The following SERPINA1 variants were observed in gnomAD, a reference collection of about 807,000 sequenced individuals.
The protein encoded by SERPINA1 is serpin family A member 1.
SERPINA1 carries 21 observed loss-of-function variants against 25.4 expected under a neutral mutation model. The observed-to-expected ratio is 0.83, with a 90% CI of 0.59 to 1.19. SERPINA1 has a LOEUF of 1.19. Among genes scored for constraint, SERPINA1 ranks in the 50% most tolerant of loss-of-function variants. The pLI, the probability that SERPINA1 is intolerant of heterozygous loss-of-function variation, is 0.00. For synonymous variants in SERPINA1, 218 were observed against 211.1 expected (o/e 1.03, Z -0.29); for missense variants, 546 against 509.0 (o/e 1.07, Z -0.70).
chr14:94,381,235 G>A (rs1896894274), intron 2 of SERPINA1, 94 bp from the exon 3 acceptor site: 14 of 1,287,444 alleles, frequency 1.1e-5, no homozygotes, highest in Non-Finnish European at 1.4e-5. Flanking sequence ...TCCCTGAGAA[G>A]CCCTGAGCCC....
Position 94,378,226 on chromosome 14 carries a change from A to G in SERPINA1, c.*223T>C, listed in dbSNP as rs1896502979. 3.3e-6 allele frequency: 2 copies of G among 598,350 alleles called. No homozygotes were observed. Among genetic ancestry groups the G allele is most frequent in the Non-Finnish European group, 5.9e-6 (2 of 337,178 alleles). The allele number at this position is 598,350 out of a possible 1,614,324, so 37.1% of individuals were successfully genotyped here. A position where few individuals can be genotyped will look rare whatever the true frequency, so the allele number is the denominator to read the frequency against. ...AGTCCCCCCTGGATTCAAGCCCAGC[A>G]TGTGCCTACCCAGCCAGATGCTCCA... is the stretch of plus-strand genomic sequence containing the variant. On this transcript the variant is annotated 3_prime_UTR_variant, in exon 5 of 5. Coordinates refer to ENST00000393087, the MANE Select transcript of SERPINA1 (RefSeq NM_000295.5).
At chr14:94,388,963 T>C (rs1434944281), upstream of SERPINA1, 2 of 152,270 alleles carry the variant, frequency 1.3e-5, no homozygotes, top group African/African-American at 4.8e-5. Context: ...AGATCTACCA[T>C]TTACTGAGTC....
intron 1 of SERPINA1, chr14:94,383,553 C>A: frequency 4.5e-6 from 2 of 447,830 alleles, no homozygotes; most frequent in Non-Finnish European, 8.1e-6. Flanking sequence ...ATTAGGTCAG[C>A]TATTCAATGT....
intron 2 of SERPINA1, among the ~76,000 whole-genome samples, chr14:94,381,481 A>T (rs1896913039): frequency 6.6e-6 from 1 of 152,230 alleles, no homozygotes; most frequent in African/African-American, 2.4e-5. Context: ...ATGTTGGAGC[A>T]TCAGGCATAT....
intron 4 of SERPINA1, 167 bp downstream of exon 4, chr14:94,379,297 G>C: frequency 9.7e-7 from 1 of 1,032,284 alleles, no homozygotes; most frequent in Non-Finnish European, 1.5e-6. Flanking sequence ...TGGCTTTGCT[G>C]TTTGACCACG....
upstream of SERPINA1, chr14:94,389,019 T>A (rs576377391): frequency 6.6e-6 from 1 of 152,324 alleles, no homozygotes; most frequent in South Asian, 2.1e-4. Context: ...CCCTGGGAGA[T>A]CAGAGTGGGT....
chr14:94,384,865 G>A (rs1489295923), intron 1 of SERPINA1, among the ~76,000 whole-genome samples: 1 of 152,202 alleles, frequency 6.6e-6, no homozygotes, highest in African/African-American at 2.4e-5. Flanking sequence ...CAAATGAAGT[G>A]CAAAGCTGGT....
Position 94,383,126 on chromosome 14 carries a change from A to G in SERPINA1, c.112T>C (p.Ser38Pro). The G allele has an allele frequency of 6.2e-7, 1 of 1,614,168 alleles. No homozygotes were observed. The highest frequency in any genetic ancestry group is 1.3e-5 in the African/African-American group (1 of 75,040). ...GTTGGGTGATCCTGATCATGGTGGG[A>G]TGTATCTGTCTTCTGGGCAGCATCT... ...QGDAAQKTDT[S>P]HHDQDHPTFN... The change falls in exon 2 of 5, where the codon TCC becomes CCC. Residue 38 changes from serine to proline, a missense_variant. Ser to Pro is a moderately conservative substitution (Grantham distance 74). Transcript: ENST00000393087.
At chr14:94,381,223 C>T (rs1488801138) in intron 2 of SERPINA1, 82 bp from the exon 3 acceptor site, 1 of 1,424,988 alleles carries the variant, frequency 7.0e-7, no homozygotes, top group African/African-American at 1.5e-5. Flanking sequence ...CCATGAGTCC[C>T]CTCCCTGAGA....
At chr14:94,385,735 C>T (rs1897245623) in intron 1 of SERPINA1, among the ~76,000 whole-genome samples, 1 of 152,152 alleles carries the variant, frequency 6.6e-6, no homozygotes, top group African/African-American at 2.4e-5. Context: ...ATTCTGGGCT[C>T]AAAGGAGGTG....
At chr14:94,379,295 C>T in intron 4 of SERPINA1, 169 bp downstream of exon 4, 1 of 994,772 alleles carries the variant, frequency 1.0e-6, no homozygotes. Context: ...CCTGGCTTTG[C>T]TGTTTGACCA....
rs939563669 is a variant in SERPINA1, at chr14:94,377,030, G to A, written c.*1419C>T. ...AAAGGCTGTCAGTGAGTAAGCTTAA[G>A]AGAACAGGAGACTTGTGTGGGAAAC... is the stretch of plus-strand genomic sequence containing the variant. On this transcript the variant is annotated 3_prime_UTR_variant, in exon 5 of 5. Transcript: ENST00000393087. The A allele has an allele frequency of 6.6e-6, 1 of 152,240 alleles. No individual in the cohort carries two copies. Among genetic ancestry groups the A allele is most frequent in the African/African-American group, 2.4e-5 (1 of 41,442 alleles). 9.4% of individuals were successfully genotyped at this position (152,240 alleles called of 1,614,324 possible).
chr14:94,379,363 T>C, intron 4 of SERPINA1, 101 bp downstream of exon 4: 1 of 1,538,368 alleles, frequency 6.5e-7, no homozygotes, highest in Non-Finnish European at 9.0e-7. Context: ...TCTTCATTTG[T>C]TTCCCTCGGC....
In SERPINA1 at chr14:94,381,140, G is replaced by T. The variant is rs754816836; in HGVS notation, c.648C>A (p.Gly216=). The T allele has an allele frequency of 1.5e-5, 24 of 1,611,476 alleles. No individual in the cohort carries two copies. The highest frequency in any genetic ancestry group is 8.8e-5 in the South Asian group (8 of 90,992). ...FALVNYIFFK[G]KWERPFEVKD... ...TGACTTCAAAGGGTCTCTCCCATTT[G>T]CCTGGAGAGAGGGGAAGGTGGGCAT... The change falls in exon 3 of 5, where the codon GGC becomes GGA. Residue 216 remains glycine, a splice_region_variant and synonymous_variant. Transcript: ENST00000393087.
At position 94,378,529 on chromosome 14, in the gene SERPINA1, G is replaced by C; in HGVS notation, c.1177C>G (p.Pro393Ala). The C allele has an allele frequency of 6.2e-7, 1 of 1,614,128 alleles. No individual in the cohort carries two copies. Among genetic ancestry groups the C allele is most frequent in the Non-Finnish European group, 8.5e-7 (1 of 1,180,022 alleles). The change falls in exon 5 of 5, where the codon CCC (proline) becomes GCC (alanine). Residue 393 changes from proline (P) to alanine (A), a missense_variant. By Grantham distance (27) the Pro-to-Ala change is conservative. Coordinates refer to ENST00000393087, the MANE Select transcript of SERPINA1 (RefSeq NM_000295.5). ...TGTTCAATCATTAAGAAGACAAAGGGTTTGTTGAACTTGACCTCGGGGGGG... is the reference window on the plus strand; with the variant it reads ...TGTTCAATCATTAAGAAGACAAAGGCTTTGTTGAACTTGACCTCGGGGGGG... ...SIPPEVKFNK[P>A]FVFLMIEQNT...
intron 1 of SERPINA1, among the ~76,000 whole-genome samples, chr14:94,386,554 A>G (rs1252071997): frequency 6.6e-6 from 1 of 152,196 alleles, no homozygotes; most frequent in Non-Finnish European, 1.5e-5. Flanking sequence ...GGAGAAAAGA[A>G]TCCTTTGGAC....
intron 4 of SERPINA1, among the ~76,000 whole-genome samples, 181 bp from the exon 5 acceptor site, chr14:94,378,821 C>T (rs988564416): frequency 6.6e-6 from 1 of 152,274 alleles, no homozygotes; most frequent in Non-Finnish European, 1.5e-5. Context: ...GGGCTGGCTC[C>T]CCTCTGTCCA....
Position 94,382,672 on chromosome 14 carries a change from G to A in SERPINA1, c.566C>T (p.Thr189Ile). The A allele has an allele frequency of 1.2e-6, 2 of 1,614,240 alleles. No individual in the cohort carries two copies. The highest frequency in any genetic ancestry group is 1.7e-6 in the Non-Finnish European group (2 of 1,180,050). ...GACCAAATCCACAATTTTCCCTTGA[G>A]TACCCTTCTCCACGTAATCGTTGAT... Reference protein sequence around the residue: ...KQINDYVEKGTQGKIVDLVKE... With the variant: ...KQINDYVEKGIQGKIVDLVKE... The change falls in exon 2 of 5, where the codon ACT (threonine) becomes ATT (isoleucine). Residue 189 changes from threonine to isoleucine, a missense_variant. By Grantham distance (89) the Thr-to-Ile change is moderately conservative (BLOSUM62 -1). Transcript: ENST00000393087.
chr14:94,379,657 T>A, intron 3 of SERPINA1, 46 bp from the exon 4 acceptor site: 1 of 1,613,602 alleles, frequency 6.2e-7, no homozygotes, highest in South Asian at 1.1e-5. Flanking sequence ...GCATTCCTCT[T>A]GTTCTTCTGG....
Sources: gnomAD v4.1 joint callset for allele counts (sites outside exome capture counted in the v4.1 genomes callset) on GRCh38, gnomAD v4.1.1 for gene constraint, MANE v1.5 for transcripts, NCBI Gene and HGNC (gene_info 2026-07-23, HGNC 2026-07-21) for gene names.